Variants in PPP1R14C observed in about 807,000 individuals in gnomAD.
PPP1R14C encodes protein phosphatase 1 regulatory subunit 14C.
In PPP1R14C, 16 loss-of-function variants were observed where a neutral mutation model predicts 20.4. The ratio of observed to expected loss-of-function variants is 0.78; its 90% CI spans 0.53 to 1.19. The LOEUF (loss-of-function observed/expected upper bound fraction) is 1.19. Among genes scored for constraint, PPP1R14C ranks in the 50% most tolerant of loss-of-function variants. The pLI is 0.00. For synonymous variants in PPP1R14C, 91 were observed against 91.0 expected (o/e 1.00, Z 0.00); for missense variants, 211 against 220.1 (o/e 0.96, Z 0.26).
chr6:150,218,477 C>CA (rs1778126105), intron 3 of PPP1R14C, among the ~76,000 whole-genome samples: 1 of 102,480 alleles, frequency 9.8e-6, no homozygotes, highest in African/African-American at 4.2e-5. Flanking sequence ...CATCTGAACC[C>CA]CCCCCCCCAA....
chr6:150,171,033 A>G (rs1777493075), intron 1 of PPP1R14C, among the ~76,000 whole-genome samples: 1 of 151,026 alleles, frequency 6.6e-6, no homozygotes, highest in Non-Finnish European at 1.5e-5. Flanking sequence ...CTCCCCACCA[A>G]CTCCCCCGGC....
intron 1 of PPP1R14C, among the ~76,000 whole-genome samples, chr6:150,202,337 G>A (rs1459795083): frequency 2.0e-5 from 3 of 152,186 alleles, no homozygotes; most frequent in South Asian, 4.1e-4. Flanking sequence ...GCCTGGCTCC[G>A]GCTGGCTTTT....
intron 1 of PPP1R14C, among the ~76,000 whole-genome samples, chr6:150,173,819 C>T (rs1777526162): frequency 6.6e-6 from 1 of 152,040 alleles, no homozygotes; most frequent in African/African-American, 2.4e-5. Flanking sequence ...AGACCTGAGG[C>T]TCCTAAGCAC....
intron 1 of PPP1R14C, among the ~76,000 whole-genome samples, chr6:150,187,845 G>C (rs1421928055): frequency 6.6e-6 from 1 of 152,102 alleles, no homozygotes; most frequent in African/African-American, 2.4e-5. Context: ...CAGTTAAATG[G>C]TACTTGACTT....
At chr6:150,200,191 CACAT>C (rs1421222356) in intron 1 of PPP1R14C, among the ~76,000 whole-genome samples, 4 of 144,842 alleles carry the variant, frequency 2.8e-5, no homozygotes, top group Non-Finnish European at 5.9e-5. Context: ...TATACACACA[CACAT>C]ACACACACAT....
intron 1 of PPP1R14C, among the ~76,000 whole-genome samples, chr6:150,153,660 CTCACTAGGT>C (rs144134076): frequency 0.018 from 2,776 of 152,348 alleles, 32 homozygotes; most frequent in Non-Finnish European, 0.029. Flanking sequence ...CCAATACATT[CTCACTAGGT>C]TTTTCTTAGT....
In PPP1R14C at chr6:150,209,745, G is replaced by A. The variant is rs542642342; in HGVS notation, c.307-4999G>A. 1.6e-4 allele frequency among the ~76,000 whole-genome samples: 24 copies of A among 150,460 alleles called. 1 individual carries two copies. The South Asian group carries it at 1.9e-3, about 12-fold the overall frequency. Reference sequence around the variant, plus strand: ...TGAGTAGTGTGGAGTGTGTGTATTCGTGTGTGTATGTTTGTATATATATTT... The same window carrying A: ...TGAGTAGTGTGGAGTGTGTGTATTCATGTGTGTATGTTTGTATATATATTT... On this transcript the variant is annotated intron_variant, in intron 1 of 3. Transcript: ENST00000361131.
Position 150,185,910 on chromosome 6 carries a change from C to T in PPP1R14C, c.307-28834C>T, listed in dbSNP as rs890908357. On this transcript the variant is annotated intron_variant, in intron 1 of 3. Coordinates refer to ENST00000361131, the MANE Select transcript of PPP1R14C (RefSeq NM_030949.3). This position sits in a 1 kb window ranked among gnomAD's most constrained non-coding sequence, Gnocchi z 4.1. ...GGCAAGGGTCAGGCGTGGCACCTAT[C>T]GGCTCCTAAAGCCTCTACCAGGAAG... Among the ~76,000 whole-genome samples the T allele has an allele frequency of 2.6e-5, 4 of 152,180 alleles. No homozygotes were observed. Among genetic ancestry groups the T allele is most frequent in the East Asian group, 3.9e-4 (2 of 5,190 alleles).
intron 3 of PPP1R14C, among the ~76,000 whole-genome samples, chr6:150,221,444 CAATT>C (rs1778166407): frequency 6.6e-6 from 1 of 152,188 alleles, no homozygotes; most frequent in South Asian, 2.1e-4. Flanking sequence ...AAATGCCTAT[CAATT>C]AATGGTGTTC....
chr6:150,227,196 A>G (rs1778240490), intron 3 of PPP1R14C, among the ~76,000 whole-genome samples: 1 of 152,214 alleles, frequency 6.6e-6, no homozygotes, highest in African/African-American at 2.4e-5. Flanking sequence ...CAATACAGGA[A>G]AACCATGTGA....
intron 3 of PPP1R14C, among the ~76,000 whole-genome samples, chr6:150,234,569 G>T (rs1778333909): frequency 1.3e-5 from 2 of 152,152 alleles, no homozygotes; most frequent in Non-Finnish European, 1.5e-5. Context: ...GATCAAGCCA[G>T]CTGGGCATGG....
intron 1 of PPP1R14C, among the ~76,000 whole-genome samples, chr6:150,192,786 C>T (rs77117977): frequency 0.034 from 5,154 of 152,256 alleles, 161 homozygotes; most frequent in East Asian, 0.092. Context: ...CATCCGAAGA[C>T]TGGACTGGGC....
At chr6:150,231,397 C>T (rs1778294278) in intron 3 of PPP1R14C, among the ~76,000 whole-genome samples, 1 of 152,186 alleles carries the variant, frequency 6.6e-6, no homozygotes, top group African/African-American at 2.4e-5. Flanking sequence ...CGTCACACCC[C>T]AAGTCTGGCT....
intron 1 of PPP1R14C, among the ~76,000 whole-genome samples, chr6:150,152,013 G>T (rs1405264778): frequency 1.3e-5 from 2 of 151,556 alleles, no homozygotes; most frequent in African/African-American, 2.4e-5. Flanking sequence ...CCAGCTACTT[G>T]GGAGGCTGAG....
intron 1 of PPP1R14C, among the ~76,000 whole-genome samples, chr6:150,206,678 C>G (rs1407619531): frequency 6.6e-6 from 1 of 152,178 alleles, no homozygotes; most frequent in East Asian, 1.9e-4. Flanking sequence ...CCGCAGCTGT[C>G]ATTTGCATCT....
At chr6:150,173,716 G>A (rs1562261271) in intron 1 of PPP1R14C, among the ~76,000 whole-genome samples, 1 of 152,202 alleles carries the variant, frequency 6.6e-6, no homozygotes, top group East Asian at 1.9e-4. Flanking sequence ...TCAGAATAAT[G>A]CCGATGCCAG....
In PPP1R14C at chr6:150,247,764, G is replaced by C. The variant is rs79945511; in HGVS notation, c.424-982G>C. 9.8e-3 allele frequency among the ~76,000 whole-genome samples: 1,496 copies of C among 152,266 alleles called. 19 individuals are homozygous for C. The highest frequency in any genetic ancestry group is 0.044 in the Middle Eastern group (13 of 294). On this transcript the variant is annotated intron_variant, in intron 3 of 3. Coordinates refer to ENST00000361131, the MANE Select transcript of PPP1R14C (RefSeq NM_030949.3). ...GGTGTGCAGTATTCTCCAGTGATAA[G>C]TAGCATCAGTGTCACCTGGGAGCTT...
intron 1 of PPP1R14C, among the ~76,000 whole-genome samples, chr6:150,174,582 T>C (rs986466865): frequency 6.6e-6 from 1 of 152,112 alleles, no homozygotes; most frequent in Non-Finnish European, 1.5e-5. Context: ...TGGCTTATAA[T>C]ATATTCTGTC....
At chr6:150,178,872 G>A (rs918959389) in intron 1 of PPP1R14C, among the ~76,000 whole-genome samples, 1 of 152,190 alleles carries the variant, frequency 6.6e-6, no homozygotes, top group African/African-American at 2.4e-5. Flanking sequence ...AAATAAACAG[G>A]ATCTGTGTAG....
Sources: gnomAD v4.1 joint callset for allele counts (sites outside exome capture counted in the v4.1 genomes callset) on GRCh38, gnomAD v4.1.1 for gene constraint, Gnocchi (gnomAD v3.1) non-coding constraint, MANE v1.5 for transcripts, NCBI Gene and HGNC (gene_info 2026-07-23, HGNC 2026-07-21) for gene names.